The following MORC4 variants were observed in gnomAD, a reference collection of about 807,000 sequenced individuals.
The protein encoded by MORC4 is MORC family CW-type zinc finger protein 4.
MORC4 carries 22 observed loss-of-function variants against 65.5 expected under a neutral mutation model. The observed-to-expected ratio is 0.34, with a 90% CI of 0.24 to 0.48. The LOEUF (loss-of-function observed/expected upper bound fraction) is 0.48. Ranked by LOEUF, MORC4 falls within the 20% of genes least tolerant of loss-of-function variation. MORC4 has a pLI of 0.99. For synonymous variants in MORC4, 267 were observed against 255.8 expected, an observed-to-expected ratio of 1.04 and a Z score of -0.42; for missense variants, 624 against 703.0, an observed-to-expected ratio of 0.89 and a Z score of 1.27.
chrX:106,980,807 G>T, intron 7 of MORC4, 84 bp downstream of exon 7: 1 of 923,591 alleles, frequency 1.1e-6, no homozygotes, highest in Non-Finnish European at 1.5e-6. Flanking sequence ...GAAAGGGAAA[G>T]TTTTTGTTTT....
intron 10 of MORC4, among the ~76,000 whole-genome samples, chrX:106,961,072 C>T (rs1340785978): frequency 1.8e-5 from 2 of 111,391 alleles, no homozygotes; most frequent in African/African-American, 6.5e-5. Flanking sequence ...TTTTCTTTAA[C>T]ATACTGGGTT....
At chrX:106,968,766 C>CAACA (rs769805428) in intron 9 of MORC4, among the ~76,000 whole-genome samples, 92 of 109,291 alleles carry the variant, frequency 8.4e-4, no homozygotes, top group Non-Finnish European at 1.6e-3. Context: ...GGGATCAATT[C>CAACA]AACAAGAAGA....
At chrX:106,951,250 C>A (rs1047791147) in intron 14 of MORC4, among the ~76,000 whole-genome samples, 1 of 112,274 alleles carries the variant, frequency 8.9e-6, no homozygotes, top group African/African-American at 3.2e-5. Flanking sequence ...CAGTGCAATT[C>A]AGAATTTGTT....
At chrX:106,968,189 A>C (rs181995191) in intron 9 of MORC4, among the ~76,000 whole-genome samples, 101 of 111,804 alleles carry the variant, frequency 9.0e-4, no homozygotes, top group African/African-American at 3.1e-3. Context: ...AGAATTTTCA[A>C]ACGAGAATTT....
intron 9 of MORC4, among the ~76,000 whole-genome samples, chrX:106,967,039 G>A (rs1176885743): frequency 1.8e-5 from 2 of 111,718 alleles, no homozygotes. Context: ...CTGACTGGGA[G>A]ACACCTCCCA....
chrX:106,985,936 G>A (rs1291587940), intron 4 of MORC4, 47 bp downstream of exon 4: 3 of 1,081,677 alleles, frequency 2.8e-6, no homozygotes, highest in Non-Finnish European at 3.8e-6. Context: ...CAAACACTCA[G>A]ATTAGACTAA....
chrX:106,991,117 G>A (rs1934974365), intron 3 of MORC4, among the ~76,000 whole-genome samples: 1 of 111,040 alleles, frequency 9.0e-6, no homozygotes, highest in African/African-American at 3.3e-5. Flanking sequence ...CCTTGGGGAG[G>A]GAATAAAAAA....
intron 9 of MORC4, among the ~76,000 whole-genome samples, chrX:106,966,709 G>A (rs773247284): frequency 3.8e-4 from 43 of 113,006 alleles, no homozygotes; most frequent in Middle Eastern, 4.6e-3. Context: ...AATCGACCTG[G>A]AACACGGGAG....
chrX:106,977,876 G>C (rs1352328297), intron 8 of MORC4, among the ~76,000 whole-genome samples: 1 of 111,243 alleles, frequency 9.0e-6, no homozygotes, highest in Non-Finnish European at 1.9e-5. Flanking sequence ...TAAAGTTGTT[G>C]GGTTGATTAA....
rs781438291 is a variant in MORC4 at position 106,981,017 on chromosome X, T to A, written c.810A>T (p.Ala270=). 4 of 1,209,659 alleles carry A rather than the reference T, an allele frequency of 3.3e-6. No homozygotes were observed. In the South Asian group the frequency reaches 5.3e-5, roughly 16 times the overall value. Residue 270 remains alanine, a splice_region_variant and synonymous_variant, in exon 7 of 17, where the codon GCA becomes GCT. Transcript: ENST00000355610. ...ELPETEYSLR[A]FCGILYMKPR... ...GCTTCATGTATAGAATACCACAAAA[T>A]GCCTACGGAACAGAATGGTGAAGGG... is the stretch of plus-strand genomic sequence containing the variant.
chrX:106,962,023 G>C lies in MORC4; in HGVS notation c.1245C>G (p.Ala415=). 1 of 1,199,515 alleles carries C rather than the reference G, an allele frequency of 8.3e-7. No individual in the cohort carries two copies. The highest frequency in any genetic ancestry group is 1.1e-6 in the Non-Finnish European group (1 of 884,698). ...TATGTATTACTTACGGTATTGGCCT[G>C]GCTACAGTTGAGGTCTCAAAATTAT... ...SQDNFETSTV[A]RPIPKVPDQT... The change falls in exon 10 of 17, where the codon GCC becomes GCG. Residue 415 remains alanine (A), a synonymous_variant. Transcript: ENST00000355610.
intron 2 of MORC4, 103 bp downstream of exon 2, chrX:106,999,574 C>A (rs1303894861): frequency 1.1e-5 from 9 of 810,376 alleles, no homozygotes; most frequent in Non-Finnish European, 1.3e-5. Context: ...CACCCCAGCC[C>A]CGGCCCGCCC....
At position 106,967,262 on chromosome X, in the gene MORC4, T is replaced by C. The variant is rs757224351; in HGVS notation, c.1158-5152A>G. Among the ~76,000 whole-genome samples, 16 of 111,739 alleles carry C rather than the reference T, an allele frequency of 1.4e-4. No individual in the cohort carries two copies. In the South Asian group the frequency reaches 1.5e-3, roughly 11 times the overall value. On this transcript the variant is annotated intron_variant, in intron 9 of 16. Coordinates refer to ENST00000355610, the MANE Select transcript of MORC4 (RefSeq NM_024657.5). ...AACTAACAAACAGAAAGGCATAGCA[T>C]CAACATCAACAAAAAGGACATCCAC...
At chrX:106,957,521 A>C (rs904495710) in intron 11 of MORC4, among the ~76,000 whole-genome samples, 2 of 111,881 alleles carry the variant, frequency 1.8e-5, no homozygotes, top group African/African-American at 6.5e-5. Flanking sequence ...TACCCATTTT[A>C]GCACCTTTCT....
At chrX:106,942,299 G>A in intron 15 of MORC4, 78 bp from the exon 16 acceptor site, 2 of 1,079,687 alleles carry the variant, frequency 1.9e-6, no homozygotes, top group South Asian at 4.3e-5. Flanking sequence ...GTCATCCTGT[G>A]ATTCCACTAT....
At chrX:106,957,448 T>C (rs1934137819) in intron 11 of MORC4, among the ~76,000 whole-genome samples, 1 of 111,520 alleles carries the variant, frequency 9.0e-6, no homozygotes, top group Non-Finnish European at 1.9e-5. Context: ...ATGCTTATAT[T>C]TATAGACCTA....
chrX:106,948,774 A>AT (rs1293850735), intron 14 of MORC4, among the ~76,000 whole-genome samples: 3 of 110,536 alleles, frequency 2.7e-5, no homozygotes, highest in Non-Finnish European at 5.7e-5. Flanking sequence ...TCTTGTTCCC[A>AT]TTTTTTTCTC....
At chrX:106,995,502 C>T (rs1935061872) in intron 2 of MORC4, among the ~76,000 whole-genome samples, 1 of 112,035 alleles carries the variant, frequency 8.9e-6, no homozygotes, top group Non-Finnish European at 1.9e-5. Flanking sequence ...ACATAGTTTG[C>T]CTTCTGTGCC....
intron 10 of MORC4, among the ~76,000 whole-genome samples, chrX:106,959,046 A>C (rs925822428): frequency 3.6e-5 from 4 of 111,983 alleles, no homozygotes; most frequent in African/African-American, 1.3e-4. Context: ...CTTTGCTTAT[A>C]ATACTTCAAT....
Sources: gnomAD v4.1 joint callset for allele counts (sites outside exome capture counted in the v4.1 genomes callset) on GRCh38, gnomAD v4.1.1 for gene constraint, MANE v1.5 for transcripts, NCBI Gene and HGNC (gene_info 2026-07-23, HGNC 2026-07-21) for gene names.